PARP14: variants seen among roughly 807,000 people sequenced by gnomAD.
PARP14 encodes the protein poly(ADP-ribose) polymerase family member 14, also known as protein mono-ADP-ribosyltransferase PARP14.
In PARP14, 59 loss-of-function variants were observed where a neutral mutation model predicts 154.2. The observed-to-expected ratio is 0.38, with a 90% CI of 0.31 to 0.48. The LOEUF is 0.48. Ranked by LOEUF, PARP14 falls within the 20% of genes least tolerant of loss-of-function variation. The probability of loss-of-function intolerance (pLI) is 0.98; values close to 1 mark genes in which losing one functional copy is unlikely to be tolerated. For synonymous variants in PARP14, 720 were observed against 780.5 expected (o/e 0.92, Z 1.29); for missense variants, 1,734 against 2,131.6 (o/e 0.81, Z 3.67).
chr3:122,685,113 G>A, intron 1 of PARP14, 72 bp from the exon 2 acceptor site: 1 of 1,556,434 alleles, frequency 6.4e-7, no homozygotes, highest in South Asian at 1.1e-5. Flanking sequence ...GCAGCCCACG[G>A]AAATCATAGA....
At chr3:122,696,304 A>T (rs1938769359) in intron 5 of PARP14, among the ~76,000 whole-genome samples, 1 of 152,212 alleles carries the variant, frequency 6.6e-6, no homozygotes, top group South Asian at 2.1e-4. Context: ...TTAGGGGGCC[A>T]GGCTTCTTGG....
intron 7 of PARP14, 53 bp downstream of exon 7, chr3:122,704,031 CT>C: frequency 3.4e-6 from 4 of 1,164,038 alleles, no homozygotes; most frequent in Non-Finnish European, 3.9e-6. Context: ...TTGGGTTCTC[CT>C]TTTAGTAGCA....
Position 122,704,600 on chromosome 3 carries a change from C to A in PARP14, c.3392C>A (p.Ala1131Glu). ...TCCTTAAAATCAATTGCATTTCCAG[C>A]AATAGGAACAGGAAACTTGGGATTT... Reference protein sequence around the residue: ...SLSLKSIAFPAIGTGNLGFPK... With the variant: ...SLSLKSIAFPEIGTGNLGFPK... Residue 1131 changes from alanine (A) to glutamate (E), a missense_variant, in exon 8 of 17, where the codon GCA becomes GAA. Physicochemically the swap from Ala to Glu is moderately radical, Grantham distance 107 (BLOSUM62 -1). Transcript: ENST00000474629. 6.2e-7 allele frequency: 1 copy of A among 1,607,656 alleles called. No homozygotes were observed. Among genetic ancestry groups the A allele is most frequent in the Non-Finnish European group, 8.5e-7 (1 of 1,176,458 alleles).
Position 122,701,295 on chromosome 3 carries a change from G to A in PARP14, c.2741G>A (p.Arg914Gln), listed in dbSNP as rs549983280. The change falls in exon 6 of 17, where the codon CGA becomes CAA. Residue 914 changes from arginine (R) to glutamine (Q), a missense_variant. Physicochemically the swap from Arg to Gln is conservative, Grantham distance 43 (BLOSUM62 1). This residue lies in a region of PARP14 where 1,646 missense variants were observed against 1,976.0 expected (regional missense o/e 0.83). Transcript: ENST00000474629. This position sits in a 1 kb window ranked among gnomAD's most constrained non-coding sequence, Gnocchi z 4.0. ...SLCLAEKYKY[R>Q]SIAIPAISSG... ...TGTCTAGCCGAAAAATACAAGTACC[G>A]ATCCATAGCCATCCCAGCTATTAGT... 139 of 1,613,944 alleles carry A rather than the reference G, an allele frequency of 8.6e-5. 2 individuals are homozygous for A. In the Admixed American group the frequency reaches 1.1e-3, roughly 13 times the overall value.
In PARP14 at chr3:122,727,922, A is replaced by T; in HGVS notation, c.5052A>T (p.Thr1684=). The change falls in exon 16 of 17, where the codon ACA becomes ACT. Residue 1684 remains threonine, a synonymous_variant. Coordinates refer to ENST00000474629, the MANE Select transcript of PARP14 (RefSeq NM_017554.3). The part of the protein sequence containing the change: ...TMNEKQLFHG[T]DAGSVPHVNR... ...ATGAGAAGCAACTCTTCCATGGGAC[A>T]GATGCCGGCTCCGTGCCACACGTCA... 6.2e-7 allele frequency: 1 copy of T among 1,613,966 alleles called. No homozygotes were observed. Among genetic ancestry groups the T allele is most frequent in the Non-Finnish European group, 8.5e-7 (1 of 1,179,814 alleles).
At chr3:122,699,215 T>C (rs562511346) in intron 5 of PARP14, among the ~76,000 whole-genome samples, 175 bp from the exon 6 acceptor site, 2 of 152,282 alleles carry the variant, frequency 1.3e-5, no homozygotes, top group African/African-American at 4.8e-5. Flanking sequence ...ATGGGAAGAT[T>C]TTGTTTTGTT....
At chr3:122,724,088 T>C (rs1933223966) in intron 15 of PARP14, among the ~76,000 whole-genome samples, 1 of 152,172 alleles carries the variant, frequency 6.6e-6, no homozygotes, top group South Asian at 2.1e-4. Flanking sequence ...TCTTTACTTT[T>C]TGCCATGAGA....
rs759398929 is a variant in PARP14, at chr3:122,701,642, G to A, written c.3081+7G>A. ...GGGTGTGCAGAATGCTAAGGTGAGT[G>A]TCGCTTTTACAGAACACCACCAGGG... On this transcript the variant is annotated splice_region_variant and intron_variant, in intron 6 of 16. Coordinates refer to ENST00000474629, the MANE Select transcript of PARP14 (RefSeq NM_017554.3). The surrounding 1 kb of genome is among the most constrained non-coding windows in gnomAD (Gnocchi z 4.0). 1 of 1,562,518 alleles carries A rather than the reference G, an allele frequency of 6.4e-7. No individual in the cohort carries two copies. The highest frequency in any genetic ancestry group is 8.7e-7 in the Non-Finnish European group (1 of 1,152,414).
intron 12 of PARP14, among the ~76,000 whole-genome samples, chr3:122,716,866 T>G (rs1933015173): frequency 6.6e-6 from 1 of 152,150 alleles, no homozygotes; most frequent in South Asian, 2.1e-4. Flanking sequence ...TTCCCTCAAT[T>G]TTCCATATTT....
At chr3:122,719,024 T>A in intron 14 of PARP14, 66 bp downstream of exon 14, 1 of 1,386,636 alleles carries the variant, frequency 7.2e-7, no homozygotes, top group South Asian at 1.6e-5. Flanking sequence ...CACTATTTGG[T>A]ACGTACATCA....
At chr3:122,702,999 A>C (rs1221660572) in intron 6 of PARP14, among the ~76,000 whole-genome samples, 3 of 136,008 alleles carry the variant, frequency 2.2e-5, no homozygotes, top group African/African-American at 5.4e-5. Flanking sequence ...CTCTTAAAAA[A>C]AAAAAAAAAA....
intron 8 of PARP14, 54 bp from the exon 9 acceptor site, chr3:122,708,136 C>G (rs1248938675): frequency 4.3e-6 from 4 of 937,278 alleles, no homozygotes; most frequent in Non-Finnish European, 6.7e-6. Context: ...CTGATGATTC[C>G]AATTTATTCA....
At position 122,692,440 on chromosome 3, in the gene PARP14, A is replaced by C; in HGVS notation, c.495A>C (p.Leu165=). The C allele has an allele frequency of 6.2e-7, 1 of 1,613,658 alleles. No individual in the cohort carries two copies. Among genetic ancestry groups the C allele is most frequent in the Non-Finnish European group, 8.5e-7 (1 of 1,179,620 alleles). ...AGGCAAATGTGACTGACATAATGCT[A>C]ATCTTGTTAGTGGAGAACATAAGTG... ...NLKANVTDIM[L]ILLVENISGL... The change falls in exon 4 of 17, where the codon CTA becomes CTC. Residue 165 remains leucine, a synonymous_variant. Transcript: ENST00000474629.
chr3:122,712,983 G>A (rs910250664), intron 9 of PARP14, among the ~76,000 whole-genome samples: 19 of 152,186 alleles, frequency 1.2e-4, no homozygotes, highest in African/African-American at 4.1e-4. Flanking sequence ...GGCCACCCTT[G>A]GGTCAAAGCT....
chr3:122,694,740 G>A (rs1938715718), intron 4 of PARP14, among the ~76,000 whole-genome samples: 1 of 151,906 alleles, frequency 6.6e-6, no homozygotes, highest in Non-Finnish European at 1.5e-5. Context: ...GGCTTTTCTC[G>A]AACTCCTGAT....
intron 3 of PARP14, among the ~76,000 whole-genome samples, chr3:122,688,163 T>C (rs1289982607): frequency 6.6e-6 from 1 of 152,116 alleles, no homozygotes; most frequent in Non-Finnish European, 1.5e-5. Flanking sequence ...GCTCCCAGTG[T>C]TTGTCGTTGG....
At chr3:122,706,982 A>G (rs1939175508) in intron 8 of PARP14, among the ~76,000 whole-genome samples, 1 of 152,216 alleles carries the variant, frequency 6.6e-6, no homozygotes, top group Admixed American at 6.5e-5. Context: ...TTAACATTGT[A>G]GTTTTTACAA....
intron 16 of PARP14, 34 bp from the exon 17 acceptor site, chr3:122,728,274 T>C (rs755687853): frequency 2.5e-6 from 4 of 1,579,828 alleles, no homozygotes; most frequent in South Asian, 1.1e-5. Context: ...TTACATTAAC[T>C]TGAAATGCTT....
chr3:122,720,663 T>C (rs1576601774), intron 15 of PARP14: 1 of 489,858 alleles, frequency 2.0e-6, no homozygotes, highest in South Asian at 1.9e-5. Context: ...AATTCAAAGA[T>C]ATGGCTTTAA....
Sources: allele counts gnomAD v4.1 joint callset (sites outside exome capture counted in the v4.1 genomes callset), GRCh38; gene constraint gnomAD v4.1.1; regional missense constraint gnomAD v4.1.1; non-coding constraint Gnocchi (gnomAD v3.1); transcripts MANE v1.5; gene names NCBI Gene and HGNC (gene_info 2026-07-23, HGNC 2026-07-21).